RBFOX1: variants seen among roughly 807,000 people sequenced by gnomAD.
The protein encoded by RBFOX1 is RNA binding fox-1 homolog 1, also known as RNA binding protein fox-1 homolog 1.
In RBFOX1, 8 loss-of-function variants were observed where a neutral mutation model predicts 57.7. The ratio of observed to expected loss-of-function variants is 0.14; its 90% CI spans 0.08 to 0.25. The LOEUF is 0.25. Among genes scored for constraint, RBFOX1 ranks in the 10% least tolerant of loss-of-function variants. The probability of loss-of-function intolerance (pLI) is 1.00; values close to 1 mark genes in which losing one functional copy is unlikely to be tolerated. For synonymous variants in RBFOX1, 326 were observed against 222.4 expected (o/e 1.47, Z -4.15); for missense variants, 611 against 548.5 (o/e 1.11, Z -1.14).
chr16:7,182,345 C>A (rs2082890135), intron 4 of RBFOX1, among the ~76,000 whole-genome samples: 1 of 152,158 alleles, frequency 6.6e-6, no homozygotes, highest in Non-Finnish European at 1.5e-5. Context: ...AAGTAAAAAG[C>A]ATCTTCCATT....
At position 6,798,027 on chromosome 16, in the gene RBFOX1, A is replaced by G. The variant is rs540537679; in HGVS notation, c.-16+143377A>G. Among the ~76,000 whole-genome samples, 3 of 152,208 alleles carry G rather than the reference A, an allele frequency of 2.0e-5. No individual in the cohort carries two copies. In the South Asian group the frequency reaches 6.2e-4, roughly 32 times the overall value. On this transcript the variant is annotated intron_variant, in intron 3 of 15. Coordinates refer to ENST00000550418, the MANE Select transcript of RBFOX1 (RefSeq NM_018723.4). ...AGGGATGATGATGATGATGATGGTG[A>G]TGATGAAGTTGATAGTGATAAAACC...
chr16:7,018,228 T>G (rs980900319), intron 3 of RBFOX1, among the ~76,000 whole-genome samples: 2 of 152,154 alleles, frequency 1.3e-5, no homozygotes, highest in Non-Finnish European at 2.9e-5. Context: ...GGGGGCATTC[T>G]CTACTGGCTT....
At chr16:7,609,356 C>T (rs527568088) in intron 10 of RBFOX1, among the ~76,000 whole-genome samples, 8 of 152,090 alleles carry the variant, frequency 5.3e-5, no homozygotes, top group Non-Finnish European at 8.8e-5. Flanking sequence ...AGGAAAATAC[C>T]TAATATCCCC....
At chr16:7,258,660 G>C (rs554254305) in intron 4 of RBFOX1, among the ~76,000 whole-genome samples, 1 of 152,108 alleles carries the variant, frequency 6.6e-6, no homozygotes. Context: ...TTACTAACAT[G>C]ATGGCTGAAT....
chr16:6,258,777 AC>A (rs1194617103), intron 1 of RBFOX1, among the ~76,000 whole-genome samples: 2 of 152,204 alleles, frequency 1.3e-5, no homozygotes, highest in African/African-American at 4.8e-5. Context: ...ATTGTTTGCA[AC>A]ACAAGGGATG....
chr16:6,461,035 T>A (rs1411551074), intron 2 of RBFOX1, among the ~76,000 whole-genome samples: 1 of 151,954 alleles, frequency 6.6e-6, no homozygotes, highest in Non-Finnish European at 1.5e-5. Flanking sequence ...CTCTCACTTA[T>A]AAGTGGGAGC....
chr16:5,322,475 C>A (rs1233054406), intron 1 of RBFOX1, among the ~76,000 whole-genome samples: 1 of 152,166 alleles, frequency 6.6e-6, no homozygotes, highest in African/African-American at 2.4e-5. Context: ...GCCTCTGTGG[C>A]TGCCAGTTTC....
chr16:6,758,439 A>T (rs1412857994), intron 3 of RBFOX1, among the ~76,000 whole-genome samples: 1 of 152,168 alleles, frequency 6.6e-6, no homozygotes, highest in East Asian at 1.9e-4. Context: ...GACAAATTAC[A>T]ATTGAACCCA....
At chr16:5,353,631 T>C (rs1182802257) in intron 1 of RBFOX1, among the ~76,000 whole-genome samples, 1 of 151,884 alleles carries the variant, frequency 6.6e-6, no homozygotes, top group East Asian at 1.9e-4. Flanking sequence ...GATGATGTCA[T>C]TGGTGGTATT....
chr16:7,329,369 G>A (rs1011170861), intron 4 of RBFOX1, among the ~76,000 whole-genome samples: 11 of 152,120 alleles, frequency 7.2e-5, no homozygotes, highest in African/African-American at 2.7e-4. Context: ...CCACATAATA[G>A]ATGTTGAGTA....
intron 2 of RBFOX1, among the ~76,000 whole-genome samples, chr16:6,537,563 G>T (rs2096752524): frequency 6.6e-6 from 1 of 152,174 alleles, no homozygotes; most frequent in Non-Finnish European, 1.5e-5. Flanking sequence ...TTGAACCCAG[G>T]CAGTATGATT....
chr16:7,009,809 C>G (rs1005393148), intron 3 of RBFOX1, among the ~76,000 whole-genome samples: 3 of 152,172 alleles, frequency 2.0e-5, no homozygotes, highest in South Asian at 2.1e-4. Context: ...AAAAATAATA[C>G]TAGAGCTAAC....
At chr16:7,094,968 TGTAAACATCAAAG>T (rs944742873) in intron 4 of RBFOX1, among the ~76,000 whole-genome samples, 2 of 152,154 alleles carry the variant, frequency 1.3e-5, no homozygotes, top group Non-Finnish European at 2.9e-5. Flanking sequence ...TAAACATCAG[TGTAAACATCAAAG>T]GTAAACATCA....
At chr16:7,701,472 A>T (rs542810675) in intron 14 of RBFOX1, among the ~76,000 whole-genome samples, 1 of 152,132 alleles carries the variant, frequency 6.6e-6, no homozygotes, top group Non-Finnish European at 1.5e-5. Context: ...ACTCCTTTTG[A>T]GAATCTAATG....
chr16:7,086,135 C>G (rs1365987957), intron 4 of RBFOX1, among the ~76,000 whole-genome samples: 1 of 152,148 alleles, frequency 6.6e-6, no homozygotes, highest in East Asian at 1.9e-4. Flanking sequence ...ATGGGACTAC[C>G]TATAGGCTAT....
At chr16:7,606,347 T>C (rs2095285845) in intron 9 of RBFOX1, among the ~76,000 whole-genome samples, 1 of 150,384 alleles carries the variant, frequency 6.6e-6, no homozygotes, top group African/African-American at 2.5e-5. Flanking sequence ...GGTCTCAAAC[T>C]CCTGACCTCG....
intron 3 of RBFOX1, among the ~76,000 whole-genome samples, chr16:6,890,916 C>G (rs1041403605): frequency 1.3e-5 from 2 of 152,162 alleles, no homozygotes; most frequent in East Asian, 1.9e-4. Context: ...AAGTGAGAAA[C>G]TTGAACAGAC....
At chr16:5,526,429 C>T (rs1423994021) in intron 2 of RBFOX1, among the ~76,000 whole-genome samples, 1 of 152,164 alleles carries the variant, frequency 6.6e-6, no homozygotes, top group Non-Finnish European at 1.5e-5. Flanking sequence ...GCTGGGATTA[C>T]AGCTGTGTGC....
At chr16:5,425,678 G>A in intron 1 of RBFOX1, among the ~76,000 whole-genome samples, 1 of 152,158 alleles carries the variant, frequency 6.6e-6, no homozygotes, top group Non-Finnish European at 1.5e-5. Flanking sequence ...GGAGAAGAAG[G>A]GGTGGTGCAG....
Sources: gnomAD v4.1 joint callset for allele counts (sites outside exome capture counted in the v4.1 genomes callset) on GRCh38, gnomAD v4.1.1 for gene constraint, MANE v1.5 for transcripts, NCBI Gene and HGNC (gene_info 2026-07-23, HGNC 2026-07-21) for gene names.